The following SERPINE3 variants were observed in gnomAD, a reference collection of about 807,000 sequenced individuals.
The protein encoded by SERPINE3 is serpin E3.
In SERPINE3, 43 loss-of-function variants were observed where a neutral mutation model predicts 41.7. That is an observed-to-expected ratio of 1.03 (90% CI 0.81 to 1.33). The LOEUF (loss-of-function observed/expected upper bound fraction) is 1.33, where lower values mean the gene tolerates loss of function less well. Among genes scored for constraint, SERPINE3 ranks in the 40% most tolerant of loss-of-function variants. The probability of loss-of-function intolerance (pLI) is 0.00; values close to 1 mark genes in which losing one functional copy is unlikely to be tolerated. For synonymous variants in SERPINE3, 200 were observed against 192.2 expected (o/e 1.04, Z -0.34); for missense variants, 440 against 491.7 (o/e 0.89, Z 0.99).
At chr13:51,352,279 T>G (rs1428344593) in intron 6 of SERPINE3, among the ~76,000 whole-genome samples, 1 of 152,156 alleles carries the variant, frequency 6.6e-6, no homozygotes, top group African/African-American at 2.4e-5. Flanking sequence ...TTTCTTTGTT[T>G]CTTTCAACAA....
chr13:51,341,994 C>A (rs556089903), intron 3 of SERPINE3, among the ~76,000 whole-genome samples: 2 of 152,094 alleles, frequency 1.3e-5, no homozygotes, highest in Admixed American at 1.3e-4. Context: ...TATTTTAGAG[C>A]GGCTTTGCCG....
rs1366669227 is a variant in SERPINE3, at chr13:51,348,202, T to C, written c.701-11T>C. 2 of 1,570,662 alleles carry C rather than the reference T, an allele frequency of 1.3e-6. No homozygotes were observed. The highest frequency in any genetic ancestry group is 1.7e-6 in the Non-Finnish European group (2 of 1,156,438). On this transcript the variant is annotated splice_polypyrimidine_tract_variant and intron_variant, in intron 5 of 9. Coordinates refer to ENST00000681248, the MANE Select transcript of SERPINE3 (RefSeq NM_001386375.1). ...GGGACAGAGCTGACCTCTGATCCACTGTACCCTCAGGTCAGTTCCAGGACA... is the reference window on the plus strand; with the variant it reads ...GGGACAGAGCTGACCTCTGATCCACCGTACCCTCAGGTCAGTTCCAGGACA...
chr13:51,347,221 C>G lies in SERPINE3; in HGVS notation c.687C>G (p.Thr229=). 9 of 1,613,618 alleles carry G rather than the reference C, an allele frequency of 5.6e-6. No individual in the cohort carries two copies. Among genetic ancestry groups the G allele is most frequent in the Non-Finnish European group, 7.6e-6 (9 of 1,179,730 alleles). Residue 229 remains threonine (T), a synonymous_variant, in exon 5 of 10, where the codon ACC becomes ACG. Transcript: ENST00000681248. ...AGGTCCCCATGATGCACCAAACGAC[C>G]GAGGTCAACTACGGTGAGCTCTGCC... The part of the protein sequence containing the change: ...VLQVPMMHQT[T]EVNYGQFQDT...
intron 9 of SERPINE3, chr13:51,363,548 A>G (rs1955625778): frequency 6.6e-6 from 1 of 152,028 alleles, no homozygotes; most frequent in African/African-American, 2.4e-5. Flanking sequence ...CTTTCCAAGA[A>G]TATCATTTGT....
Position 51,364,238 on chromosome 13 carries a change from G to A in SERPINE3, c.1172-1G>A. ...TATTAAATTCTTCTTTTTCTTGACA[G>A]GGTTTGTCTTCAGTATTGGGAGAGT... On this transcript the variant is annotated splice_acceptor_variant, in intron 9 of 9. Coordinates refer to ENST00000681248, the MANE Select transcript of SERPINE3 (RefSeq NM_001386375.1). LOFTEE classifies it high-confidence loss of function. 7.0e-7 allele frequency: 1 copy of A among 1,429,048 alleles called. No individual in the cohort carries two copies. The highest frequency in any genetic ancestry group is 1.4e-5 in the African/African-American group (1 of 70,226). 88.5% of individuals were successfully genotyped at this position (1,429,048 alleles called of 1,614,324 possible). A position where few individuals can be genotyped will look rare whatever the true frequency, so the allele number is the denominator to read the frequency against.
At chr13:51,347,268 A>C (rs1955357039) in intron 5 of SERPINE3, 34 bp downstream of exon 5, 1 of 1,591,420 alleles carries the variant, frequency 6.3e-7, no homozygotes, top group Admixed American at 1.7e-5. Context: ...GTCTAAAGGG[A>C]GAGGAAGCCT....
chr13:51,362,048 G>A, intron 9 of SERPINE3, 155 bp downstream of exon 9: 1 of 1,580,714 alleles, frequency 6.3e-7, no homozygotes. Flanking sequence ...TCTATCCTAA[G>A]AAAGGGGACT....
intron 9 of SERPINE3, chr13:51,363,063 C>A (rs1329160820): frequency 6.6e-6 from 1 of 151,830 alleles, no homozygotes; most frequent in Non-Finnish European, 1.5e-5. Flanking sequence ...ACAGGTTCTA[C>A]TCCCTAAGGA....
At chr13:51,352,548 C>T (rs1955415926) in intron 6 of SERPINE3, among the ~76,000 whole-genome samples, 1 of 151,836 alleles carries the variant, frequency 6.6e-6, no homozygotes, top group African/African-American at 2.4e-5. Flanking sequence ...GATAGATTTA[C>T]TTCTTTCTTT....
At chr13:51,361,725 A>G (rs899121072) in intron 8 of SERPINE3, 85 bp from the exon 9 acceptor site, 40 of 1,243,232 alleles carry the variant, frequency 3.2e-5, no homozygotes, top group Non-Finnish European at 4.0e-5. Flanking sequence ...TTGATTTCTT[A>G]AAAAATTAAC....
chr13:51,347,739 C>T (rs186712665), intron 5 of SERPINE3, among the ~76,000 whole-genome samples: 238 of 152,326 alleles, frequency 1.6e-3, no homozygotes, highest in African/African-American at 5.4e-3. Context: ...CTTCTCTGTT[C>T]CACCTGAGAT....
intron 7 of SERPINE3, among the ~76,000 whole-genome samples, chr13:51,357,395 G>C (rs1311448516): frequency 6.6e-6 from 1 of 152,134 alleles, no homozygotes; most frequent in African/African-American, 2.4e-5. Flanking sequence ...CAGAGACCTT[G>C]CCAGAGAGTA....
chr13:51,355,612 T>A (rs1384920918), intron 7 of SERPINE3, among the ~76,000 whole-genome samples: 1 of 152,192 alleles, frequency 6.6e-6, no homozygotes, highest in African/African-American at 2.4e-5. Context: ...TTTCCTTTTT[T>A]CAAATTACCC....
intron 1 of SERPINE3, among the ~76,000 whole-genome samples, chr13:51,340,160 G>T (rs1272967035): frequency 6.6e-6 from 1 of 152,210 alleles, no homozygotes; most frequent in Non-Finnish European, 1.5e-5. Context: ...TCACTGGTGA[G>T]TCCAGGAAGT....
intron 4 of SERPINE3, among the ~76,000 whole-genome samples, chr13:51,345,675 A>C (rs1955339791): frequency 6.6e-6 from 1 of 152,092 alleles, no homozygotes; most frequent in Non-Finnish European, 1.5e-5. Flanking sequence ...GTGTGTGGAC[A>C]AGGATGGCAG....
At chr13:51,359,477 C>T (rs1282723237) in intron 7 of SERPINE3, among the ~76,000 whole-genome samples, 1 of 152,058 alleles carries the variant, frequency 6.6e-6, no homozygotes, top group Non-Finnish European at 1.5e-5. Context: ...AATTATTGGA[C>T]CACTCCTATA....
intron 3 of SERPINE3, among the ~76,000 whole-genome samples, chr13:51,343,799 C>T (rs1955317734): frequency 6.6e-6 from 1 of 152,218 alleles, no homozygotes; most frequent in African/African-American, 2.4e-5. Flanking sequence ...GACAGCACAA[C>T]ATCCTGGCCA....
intron 7 of SERPINE3, 50 bp downstream of exon 7, chr13:51,355,193 T>G (rs1438746542): frequency 1.2e-6 from 1 of 857,926 alleles, no homozygotes; most frequent in African/African-American, 1.7e-5. Context: ...TTGGGGCAGT[T>G]TTATCATACT....
Position 51,344,385 on chromosome 13 carries a change from C to T in SERPINE3, c.390C>T (p.His130=), listed in dbSNP as rs767321197. 18 of 1,612,816 alleles carry T rather than the reference C, an allele frequency of 1.1e-5. No homozygotes were observed. Among genetic ancestry groups the T allele is most frequent in the East Asian group, 8.9e-5 (4 of 44,856 alleles). ...GTPLSPCFVE[H]VSWWANSSLE... The stretch of plus-strand genomic sequence containing the variant: ...CACTGTCCCCCTGCTTTGTGGAGCA[C>T]GTCTCCTGGTGGGCTAACAGCAGCC... The change falls in exon 4 of 10, where the codon CAC becomes CAT. Residue 130 remains histidine, a synonymous_variant. Coordinates refer to ENST00000681248, the MANE Select transcript of SERPINE3 (RefSeq NM_001386375.1).
Sources: allele counts gnomAD v4.1 joint callset (sites outside exome capture counted in the v4.1 genomes callset), GRCh38; gene constraint gnomAD v4.1.1; transcripts MANE v1.5; gene names NCBI Gene and HGNC (gene_info 2026-07-23, HGNC 2026-07-21).